The following HESX1 variants were observed in gnomAD, a reference collection of about 807,000 sequenced individuals.
The protein encoded by HESX1 is homeobox expressed in ES cells 1.
In HESX1, 11 loss-of-function variants were observed where a neutral mutation model predicts 22.5. The observed-to-expected ratio is 0.49, with a 90% CI of 0.31 to 0.81. The LOEUF is 0.81. Ranked by LOEUF, HESX1 falls within the 30% of genes least tolerant of loss-of-function variation. The pLI is 0.05. For synonymous variants in HESX1, 74 were observed against 76.5 expected, an observed-to-expected ratio of 0.97 and a Z score of 0.17; for missense variants, 201 against 212.6, an observed-to-expected ratio of 0.95 and a Z score of 0.34.
upstream of HESX1, among the ~76,000 whole-genome samples, chr3:57,202,497 G>C (rs2060496081): frequency 6.6e-6 from 1 of 151,970 alleles, no homozygotes; most frequent in African/African-American, 2.4e-5. Context: ...CACCAAGCCT[G>C]GCTAATTTTT....
At chr3:57,219,873 G>A (rs925886777) in intron 1 of HESX1, among the ~76,000 whole-genome samples, 1 of 152,080 alleles carries the variant, frequency 6.6e-6, no homozygotes, top group Non-Finnish European at 1.5e-5. Flanking sequence ...TTTTGCTTTT[G>A]TTGCAATTGC....
chr3:57,198,161 CA>C lies in HESX1; in HGVS notation c.*35del, dbSNP rs1431759804. 1 of 1,223,000 alleles carries C rather than the reference CA, an allele frequency of 8.2e-7. No individual in the cohort carries two copies. Among genetic ancestry groups the C allele is most frequent in the South Asian group, 1.2e-5 (1 of 82,534 alleles). The allele number at this position is 1,223,000 out of a possible 1,614,324, so 75.8% of individuals were successfully genotyped here. A position where few individuals can be genotyped will look rare whatever the true frequency, so the allele number is the denominator to read the frequency against. On this transcript the variant is annotated 3_prime_UTR_variant, in exon 4 of 4. Coordinates refer to ENST00000295934, the MANE Select transcript of HESX1 (RefSeq NM_003865.3). ...ATTTCCACTGATTCTTCATGCTCTG[CA>C]ATTAGAAGATAATTTCACTTGTTTA...
intron 1 of HESX1, among the ~76,000 whole-genome samples, chr3:57,205,901 AG>A: frequency 6.6e-6 from 1 of 152,140 alleles, no homozygotes. Flanking sequence ...CATTCAAAAC[AG>A]TGCTTGGGCT....
At chr3:57,207,667 A>G (rs1003438937) in intron 1 of HESX1, among the ~76,000 whole-genome samples, 1 of 152,244 alleles carries the variant, frequency 6.6e-6, no homozygotes, top group African/African-American at 2.4e-5. Context: ...GTTAACAACA[A>G]CAGATTATAA....
upstream of HESX1, among the ~76,000 whole-genome samples, chr3:57,200,627 ATAAT>A (rs1347919848): frequency 6.6e-6 from 1 of 152,238 alleles, no homozygotes; most frequent in Admixed American, 6.5e-5. Context: ...AGTATTTTAA[ATAAT>A]TAATGGGCTA....
At chr3:57,218,440 T>A (rs1158260943) in intron 1 of HESX1, among the ~76,000 whole-genome samples, 2 of 58,870 alleles carry the variant, frequency 3.4e-5, no homozygotes, top group East Asian at 0.012. Flanking sequence ...GATCTCATTC[T>A]TTTTTTTTTT....
chr3:57,209,630 CCATCTCAGTGAGACTT>C (rs1220498470), intron 1 of HESX1, among the ~76,000 whole-genome samples: 1 of 145,910 alleles, frequency 6.9e-6, no homozygotes, highest in Non-Finnish European at 1.5e-5. Context: ...GAGCGAGACT[CCATCTCAGTGAGACTT>C]CATCTCAAGA....
intron 1 of HESX1, among the ~76,000 whole-genome samples, chr3:57,221,555 G>A (rs2060615981): frequency 6.6e-6 from 1 of 152,108 alleles, no homozygotes; most frequent in South Asian, 2.1e-4. Flanking sequence ...GTACAGGGGT[G>A]CAATCATAGC....
chr3:57,198,453 G>A lies in HESX1; in HGVS notation c.397C>T (p.Pro133Ser), dbSNP rs2060462136. ...LENVFRVNCY[P>S]GIDIREDLAQ... ...AAGTCTTCTCTAATATCGATACCAG[G>A]ATAGCAGTTTACTCTAAAGACATTT... The change falls in exon 3 of 4, where the codon CCT becomes TCT. Residue 133 changes from proline to serine, a missense_variant. Transcript: ENST00000295934. 1 of 1,605,864 alleles carries A rather than the reference G, an allele frequency of 6.2e-7. No homozygotes were observed. The highest frequency in any genetic ancestry group is 8.5e-7 in the Non-Finnish European group (1 of 1,173,446).
intron 1 of HESX1, among the ~76,000 whole-genome samples, chr3:57,216,461 A>G (rs1049173612): frequency 6.6e-6 from 1 of 151,934 alleles, no homozygotes; most frequent in African/African-American, 2.4e-5. Context: ...AGCCACAAAA[A>G]ATTAGCCAGG....
chr3:57,219,249 T>G (rs903992989), intron 1 of HESX1, among the ~76,000 whole-genome samples: 2 of 152,218 alleles, frequency 1.3e-5, no homozygotes, highest in African/African-American at 4.8e-5. Flanking sequence ...ACAGATGGTA[T>G]CTCATTGTGG....
intron 1 of HESX1, among the ~76,000 whole-genome samples, chr3:57,222,017 A>G (rs1202830465): frequency 6.6e-6 from 1 of 152,188 alleles, no homozygotes; most frequent in African/African-American, 2.4e-5. Flanking sequence ...TTTGTTCATT[A>G]TTTAATAAAT....
intron 1 of HESX1, among the ~76,000 whole-genome samples, chr3:57,212,557 CAAA>C (rs56093005): frequency 6.2e-5 from 5 of 80,144 alleles, no homozygotes; most frequent in Non-Finnish European, 9.4e-5. Context: ...GACTCTGTCT[CAAA>C]AAAAAAAAAA....
At chr3:57,214,155 G>A (rs561308756) in intron 1 of HESX1, among the ~76,000 whole-genome samples, 2 of 152,296 alleles carry the variant, frequency 1.3e-5, no homozygotes, top group South Asian at 4.1e-4. Context: ...GAAATTTCAT[G>A]ATGTCTGGGT....
Position 57,198,939 on chromosome 3 carries a change from G to A in HESX1, c.171C>T (p.Asn57=), listed in dbSNP as rs759777940. The A allele has an allele frequency of 8.1e-6, 13 of 1,614,066 alleles. No homozygotes were observed. The highest frequency in any genetic ancestry group is 2.2e-5 in the East Asian group (1 of 44,868). ...DTCSSSGKDG[N]LCLHVPNPPS... ...GAGGATTTGGGACATGTAGACATAA[G>A]TTACCATCTTTCCCTAAAAACAAAA... Residue 57 remains asparagine, a synonymous_variant, in exon 2 of 4, where the codon AAC becomes AAT. Coordinates refer to ENST00000295934, the MANE Select transcript of HESX1 (RefSeq NM_003865.3).
upstream of HESX1, among the ~76,000 whole-genome samples, chr3:57,227,501 C>A (rs1483755835): frequency 6.6e-6 from 1 of 152,246 alleles, no homozygotes; most frequent in Non-Finnish European, 1.5e-5. Context: ...CGCCGGCAAG[C>A]TGAGGAAGAG....
chr3:57,211,245 AG>A (rs2060551452), intron 1 of HESX1, among the ~76,000 whole-genome samples: 1 of 151,454 alleles, frequency 6.6e-6, no homozygotes, highest in Non-Finnish European at 1.5e-5. Flanking sequence ...ATCTGAGTCT[AG>A]GCCAGGTGCC....
chr3:57,198,866 C>G lies in HESX1; in HGVS notation c.244G>C (p.Glu82Gln), dbSNP rs980166573. 3 of 1,614,010 alleles carry G rather than the reference C, an allele frequency of 1.9e-6. No homozygotes were observed. In the Admixed American group the frequency reaches 5.0e-5, roughly 27 times the overall value. Residue 82 changes from glutamate (E) to glutamine (Q), a missense_variant, in exon 2 of 4, where the codon GAA becomes CAA. By Grantham distance (29) the Glu-to-Gln change is conservative (BLOSUM62 2). Coordinates refer to ENST00000295934, the MANE Select transcript of HESX1 (RefSeq NM_003865.3). ...PSVVDHPMPE[E>Q]RASKYENYFS... ...TAATTTTCATATTTCGAAGCTCTTTCTTCTGGCATTGGGTGATCCACCACG... is the reference window on the plus strand; with the variant it reads ...TAATTTTCATATTTCGAAGCTCTTTGTTCTGGCATTGGGTGATCCACCACG...
At chr3:57,219,247 T>C (rs2060601209) in intron 1 of HESX1, among the ~76,000 whole-genome samples, 1 of 152,210 alleles carries the variant, frequency 6.6e-6, no homozygotes, top group Non-Finnish European at 1.5e-5. Context: ...CTACAGATGG[T>C]ATCTCATTGT....
Sources: allele counts gnomAD v4.1 joint callset (sites outside exome capture counted in the v4.1 genomes callset), GRCh38; gene constraint gnomAD v4.1.1; transcripts MANE v1.5; gene names NCBI Gene and HGNC (gene_info 2026-07-23, HGNC 2026-07-21).